Variants in RETREG1 observed in about 807,000 individuals in gnomAD.
RETREG1 encodes reticulophagy regulator 1.
A neutral mutation model predicts 54.8 loss-of-function variants in RETREG1; 44 were observed. The ratio of observed to expected loss-of-function variants is 0.80; its 90% confidence interval spans 0.63 to 1.03. The LOEUF (loss-of-function observed/expected upper bound fraction) is 1.03. Ranked by LOEUF, RETREG1 falls within the 50% of genes least tolerant of loss-of-function variation. RETREG1 has a pLI of 0.00. For synonymous variants in RETREG1, 217 were observed against 238.5 expected, an observed-to-expected ratio of 0.91 and a Z score of 0.83; for missense variants, 554 against 605.1, an observed-to-expected ratio of 0.92 and a Z score of 0.89.
intron 3 of RETREG1, among the ~76,000 whole-genome samples, chr5:16,503,194 T>A (rs35806092): frequency 2.4e-4 from 37 of 152,068 alleles, no homozygotes; most frequent in Non-Finnish European, 2.9e-4. Context: ...GATTCAGATA[T>A]CTCACGCAAA....
At chr5:16,522,962 C>T (rs758309318) in intron 3 of RETREG1, among the ~76,000 whole-genome samples, 6 of 151,344 alleles carry the variant, frequency 4.0e-5, no homozygotes, top group Non-Finnish European at 7.4e-5. Context: ...GCTGTGACTG[C>T]GCCACTACAC....
chr5:16,574,068 C>A (rs1163257389), intron 1 of RETREG1, among the ~76,000 whole-genome samples: 2 of 152,200 alleles, frequency 1.3e-5, no homozygotes, highest in African/African-American at 4.8e-5. Flanking sequence ...ATAGAAGCGG[C>A]ACTTAACTGG....
intron 2 of RETREG1, among the ~76,000 whole-genome samples, chr5:16,568,528 C>G (rs889095448): frequency 6.6e-6 from 1 of 152,204 alleles, no homozygotes; most frequent in Non-Finnish European, 1.5e-5. Flanking sequence ...CTGCCTCGGC[C>G]TTCCAAAGTG....
intron 5 of RETREG1, among the ~76,000 whole-genome samples, chr5:16,480,720 T>G (rs1010355176): frequency 4.6e-5 from 7 of 152,058 alleles, no homozygotes; most frequent in African/African-American, 1.7e-4. Context: ...GCAAAGGTGT[T>G]GGTGTGTTTT....
At chr5:16,500,305 T>C (rs984938801) in intron 3 of RETREG1, among the ~76,000 whole-genome samples, 2 of 152,166 alleles carry the variant, frequency 1.3e-5, no homozygotes, top group Non-Finnish European at 2.9e-5. Flanking sequence ...CGCATGCCTT[T>C]ATCAATTTGG....
chr5:16,614,182 A>G (rs1418575413), intron 1 of RETREG1, among the ~76,000 whole-genome samples: 1 of 152,246 alleles, frequency 6.6e-6, no homozygotes, highest in Non-Finnish European at 1.5e-5. Flanking sequence ...ATACTATCAA[A>G]TATGCCTTTC....
In RETREG1 at chr5:16,474,658, TTTTTC is replaced by T; in HGVS notation, c.*78_*82del. 6.6e-7 allele frequency: 1 copy of T among 1,512,900 alleles called. No individual in the cohort carries two copies. The highest frequency in any genetic ancestry group is 1.8e-4 in the Middle Eastern group (1 of 5,688). 93.7% of individuals were successfully genotyped at this position (1,512,900 alleles called of 1,614,324 possible). On this transcript the variant is annotated 3_prime_UTR_variant, in exon 9 of 9. Transcript: ENST00000306320. ...AATCATTAAAGCTTACAGTTCAATT[TTTTTC>T]TTTTCCTTTTTTTTTTTTTTTTCTT...
intron 3 of RETREG1, among the ~76,000 whole-genome samples, chr5:16,537,564 G>A (rs181014561): frequency 1.3e-5 from 2 of 152,306 alleles, no homozygotes; most frequent in East Asian, 1.9e-4. Flanking sequence ...TGGGTGTGAT[G>A]GTGCGCCCCT....
At position 16,561,127 on chromosome 5, in the gene RETREG1, G is replaced by A. The variant is rs1469737012; in HGVS notation, c.458+4636C>T. Among the ~76,000 whole-genome samples, 1 of 152,096 alleles carries A rather than the reference G, an allele frequency of 6.6e-6. No homozygotes were observed. Among genetic ancestry groups the A allele is most frequent in the Non-Finnish European group, 1.5e-5 (1 of 68,024 alleles). ...AGTTGGCAGGACCACGAGCTGCAGG[G>A]TTGGGACCAGAATGAAAGTTAGCTG... On this transcript the variant is annotated intron_variant, in intron 3 of 8. Transcript: ENST00000306320. This position sits in a 1 kb window ranked among gnomAD's most constrained non-coding sequence, Gnocchi z 4.2.
At chr5:16,567,578 T>C (rs752512148) in intron 2 of RETREG1, among the ~76,000 whole-genome samples, 2 of 152,152 alleles carry the variant, frequency 1.3e-5, no homozygotes, top group Non-Finnish European at 2.9e-5. Context: ...TGGTTACAGA[T>C]GCTCCACAGG....
At chr5:16,589,421 G>T (rs574205737) in intron 1 of RETREG1, among the ~76,000 whole-genome samples, 1 of 151,898 alleles carries the variant, frequency 6.6e-6, no homozygotes, top group Admixed American at 6.6e-5. Flanking sequence ...CTGTCACCCA[G>T]CCTGAAGCAG....
chr5:16,515,256 A>G (rs1224160336), intron 3 of RETREG1, among the ~76,000 whole-genome samples: 1 of 152,122 alleles, frequency 6.6e-6, no homozygotes. Flanking sequence ...TGGAAGCCCC[A>G]CAAGTATCTC....
intron 3 of RETREG1, among the ~76,000 whole-genome samples, chr5:16,538,304 G>A (rs1056838498): frequency 1.3e-5 from 2 of 152,190 alleles, no homozygotes; most frequent in Non-Finnish European, 2.9e-5. Context: ...GCAGCTGCAG[G>A]ATTAGTCCTT....
chr5:16,495,846 T>A (rs991486000), intron 3 of RETREG1, among the ~76,000 whole-genome samples: 1 of 151,890 alleles, frequency 6.6e-6, no homozygotes, highest in Non-Finnish European at 1.5e-5. Flanking sequence ...ACTCAGGGTA[T>A]AAGTTGAGTG....
chr5:16,533,335 G>T (rs1325618840), intron 3 of RETREG1, among the ~76,000 whole-genome samples: 1 of 152,092 alleles, frequency 6.6e-6, no homozygotes, highest in Non-Finnish European at 1.5e-5. Flanking sequence ...GAGCCACCAC[G>T]CCCGGCTGAT....
intron 3 of RETREG1, among the ~76,000 whole-genome samples, chr5:16,497,437 C>A (rs1739506992): frequency 6.6e-6 from 1 of 152,238 alleles, no homozygotes; most frequent in Admixed American, 6.5e-5. Flanking sequence ...TAAAGTATTA[C>A]AATGACAAAG....
Position 16,474,093 on chromosome 5 carries a change from G to C in RETREG1, c.*648C>G, listed in dbSNP as rs192910027. The C allele has an allele frequency of 6.5e-6, 1 of 153,426 alleles. No individual in the cohort carries two copies. Among genetic ancestry groups the C allele is most frequent in the African/African-American group, 2.4e-5 (1 of 41,576 alleles). 9.5% of individuals were successfully genotyped at this position (153,426 alleles called of 1,614,324 possible). Reference sequence around the variant, plus strand: ...GCAAGACTAGAGATGGCAGTCAATGGAGCATGCTTCTTTACAAATAAGCCT... The same window carrying C: ...GCAAGACTAGAGATGGCAGTCAATGCAGCATGCTTCTTTACAAATAAGCCT... On this transcript the variant is annotated 3_prime_UTR_variant, in exon 9 of 9. Transcript: ENST00000306320.
chr5:16,511,838 G>C (rs930164337), intron 3 of RETREG1, among the ~76,000 whole-genome samples: 2 of 152,096 alleles, frequency 1.3e-5, no homozygotes, highest in Non-Finnish European at 2.9e-5. Flanking sequence ...CAGAGCTGGA[G>C]CAAGAGAGAG....
chr5:16,616,579 TGGGTCCCC>T, intron 1 of RETREG1, 65 bp downstream of exon 1: 1 of 1,532,888 alleles, frequency 6.5e-7, no homozygotes, highest in Non-Finnish European at 8.7e-7. Context: ...CCCCCTGCAC[TGGGTCCCC>T]GGGGCCCCGG....
Sources: allele counts gnomAD v4.1 joint callset (sites outside exome capture counted in the v4.1 genomes callset), GRCh38; gene constraint gnomAD v4.1.1; non-coding constraint Gnocchi (gnomAD v3.1); transcripts MANE v1.5; gene names NCBI Gene and HGNC (gene_info 2026-07-23, HGNC 2026-07-21).